The following CNTN3 variants were observed in gnomAD, a reference collection of about 807,000 sequenced individuals.
CNTN3 encodes contactin 3.
In CNTN3, 60 loss-of-function variants were observed where a neutral mutation model predicts 119.1. That is an observed-to-expected ratio of 0.50 (90% CI 0.41 to 0.62). The LOEUF (loss-of-function observed/expected upper bound fraction) is 0.62. CNTN3 is among the 20% of genes least tolerant of loss of function. CNTN3 has a pLI of 0.00. For missense variants in CNTN3, 1,101 were observed against 1,242.4 expected (o/e 0.89, Z 1.71); for synonymous variants, 450 against 438.7 (o/e 1.03, Z -0.32).
intron 1 of CNTN3, among the ~76,000 whole-genome samples, chr3:74,553,993 A>C (rs1704032333): frequency 6.6e-6 from 1 of 152,172 alleles, no homozygotes; most frequent in African/African-American, 2.4e-5. Flanking sequence ...GCTGTTGCCC[A>C]TGCCTATGTC....
At chr3:74,603,472 T>C (rs1704943953) in intron 1 of CNTN3, among the ~76,000 whole-genome samples, 1 of 152,284 alleles carries the variant, frequency 6.6e-6, no homozygotes, top group South Asian at 2.1e-4. Context: ...AGAGCAATGC[T>C]GATCCAAAGC....
chr3:74,532,438 T>TA (rs1334605456), intron 1 of CNTN3, among the ~76,000 whole-genome samples: 1 of 151,988 alleles, frequency 6.6e-6, no homozygotes, highest in Non-Finnish European at 1.5e-5. Flanking sequence ...ATACCTATGA[T>TA]AAAGTTTAAT....
intron 1 of CNTN3, among the ~76,000 whole-genome samples, chr3:74,613,098 T>C (rs1049622210): frequency 6.6e-6 from 1 of 152,176 alleles, no homozygotes; most frequent in Non-Finnish European, 1.5e-5. Context: ...TATTGAGATA[T>C]AAGCTCTTTC....
At chr3:74,320,114 T>C (rs966162822) in intron 13 of CNTN3, among the ~76,000 whole-genome samples, 1 of 152,178 alleles carries the variant, frequency 6.6e-6, no homozygotes, top group African/African-American at 2.4e-5. Context: ...GTGTGGCGAT[T>C]CCTCAGGGAT....
In CNTN3 at chr3:74,509,313, C is replaced by CTT. The variant is rs11318453; in HGVS notation, c.56-9530_56-9529dup. On this transcript the variant is annotated intron_variant, in intron 2 of 22. Transcript: ENST00000263665. ...TAAAAAAGTGGTGCTCCTTTCCTTT[C>CTT]TTTTTTTTTTTTTTTTTTGACATGG... Among the ~76,000 whole-genome samples, 173 of 117,130 alleles carry CTT rather than the reference C, an allele frequency of 1.5e-3. 2 individuals are homozygous for CTT. The East Asian group carries it at 0.019, about 13-fold the overall frequency. The allele number at this position is 117,130 out of a possible 152,430, so 76.8% of individuals were successfully genotyped here.
At chr3:74,593,549 C>T (rs777369172) in intron 1 of CNTN3, among the ~76,000 whole-genome samples, 6 of 151,974 alleles carry the variant, frequency 3.9e-5, no homozygotes, top group Non-Finnish European at 7.4e-5. Context: ...AAATACACTA[C>T]TTCTGTTTGA....
chr3:74,278,601 A>G (rs1701930354), intron 20 of CNTN3, among the ~76,000 whole-genome samples: 2 of 152,324 alleles, frequency 1.3e-5, no homozygotes, highest in African/African-American at 4.8e-5. Flanking sequence ...TTATACAAAA[A>G]TCAACCCAAG....
At chr3:74,407,728 A>G (rs1701359505) in intron 5 of CNTN3, among the ~76,000 whole-genome samples, 1 of 152,086 alleles carries the variant, frequency 6.6e-6, no homozygotes, top group South Asian at 2.1e-4. Context: ...CTTCACCACA[A>G]TGCAATATAT....
intron 4 of CNTN3, among the ~76,000 whole-genome samples, chr3:74,453,205 G>T (rs1415377292): frequency 3.3e-5 from 5 of 151,338 alleles, no homozygotes. Flanking sequence ...CCTGTTATTG[G>T]TCTATTCAGA....
intron 1 of CNTN3, among the ~76,000 whole-genome samples, chr3:74,592,971 T>A (rs1011274263): frequency 2.6e-5 from 4 of 151,958 alleles, no homozygotes; most frequent in African/African-American, 9.7e-5. Context: ...CAGGCACAAC[T>A]ATAGTTTTAA....
In CNTN3 at chr3:74,334,883, G is replaced by T. The variant is rs200087609; in HGVS notation, c.1520C>A (p.Ser507Tyr). The change falls in exon 13 of 23, where the codon TCT (serine) becomes TAT (tyrosine). Residue 507 changes from serine (S) to tyrosine (Y), a missense_variant. Coordinates refer to ENST00000263665, the MANE Select transcript of CNTN3 (RefSeq NM_020872.3). ...TEPTRITLAP[S>Y]NMDVSVGESV... ...TTCACCAACAGAAACATCCATGTTA[G>T]ATGGTGCCAAAGTTATTCTTGTTGG... The T allele has an allele frequency of 3.2e-5, 52 of 1,612,704 alleles. No homozygotes were observed. Among genetic ancestry groups the T allele is most frequent in the Non-Finnish European group, 4.3e-5 (51 of 1,179,490 alleles).
At chr3:74,422,745 C>T (rs1464378724) in intron 5 of CNTN3, among the ~76,000 whole-genome samples, 3 of 152,174 alleles carry the variant, frequency 2.0e-5, no homozygotes, top group Non-Finnish European at 2.9e-5. Context: ...ATGTTATGTT[C>T]ATTTGAGACA....
At chr3:74,591,769 G>C (rs893793903) in intron 1 of CNTN3, among the ~76,000 whole-genome samples, 2 of 151,886 alleles carry the variant, frequency 1.3e-5, no homozygotes, top group African/African-American at 2.4e-5. Context: ...GCTATGTCTG[G>C]GAAAAAGGAT....
chr3:74,425,642 A>C (rs1701684264), intron 4 of CNTN3, among the ~76,000 whole-genome samples: 1 of 152,220 alleles, frequency 6.6e-6, no homozygotes, highest in Non-Finnish European at 1.5e-5. Context: ...TTTCACATTC[A>C]CCAGTGATTC....
chr3:74,521,632 T>C (rs944873710), intron 1 of CNTN3, among the ~76,000 whole-genome samples: 6 of 151,964 alleles, frequency 3.9e-5, no homozygotes, highest in East Asian at 3.9e-4. Context: ...AAATTATAGA[T>C]AGCATTATCA....
chr3:74,454,933 C>T (rs576937529), intron 4 of CNTN3, among the ~76,000 whole-genome samples: 7 of 152,064 alleles, frequency 4.6e-5, no homozygotes, highest in Non-Finnish European at 1.0e-4. Context: ...CTCTGGCTGC[C>T]CTTAACATTT....
intron 1 of CNTN3, among the ~76,000 whole-genome samples, chr3:74,583,481 T>A (rs1704546822): frequency 6.6e-6 from 1 of 152,130 alleles, no homozygotes; most frequent in Non-Finnish European, 1.5e-5. Context: ...ACATACATTA[T>A]GTTTCCATTT....
chr3:74,401,001 C>T (rs1355371752), intron 5 of CNTN3, among the ~76,000 whole-genome samples: 1 of 152,106 alleles, frequency 6.6e-6, no homozygotes, highest in Non-Finnish European at 1.5e-5. Context: ...AGAAAAGATT[C>T]ATAATTTTTA....
At chr3:74,364,724 G>T in intron 9 of CNTN3, 128 bp from the exon 10 acceptor site, 2 of 672,478 alleles carry the variant, frequency 3.0e-6, no homozygotes, top group Non-Finnish European at 4.8e-6. Flanking sequence ...AGGATGGCCT[G>T]AAATTTAACC....
Sources: allele counts gnomAD v4.1 joint callset (sites outside exome capture counted in the v4.1 genomes callset), GRCh38; gene constraint gnomAD v4.1.1; transcripts MANE v1.5; gene names NCBI Gene and HGNC (gene_info 2026-07-23, HGNC 2026-07-21).